Variants in SLBP observed in about 807,000 individuals in gnomAD.
SLBP encodes stem-loop histone mRNA binding protein, also known as histone RNA hairpin-binding protein.
A neutral mutation model predicts 39.2 loss-of-function variants in SLBP; 29 were observed. That is an observed-to-expected ratio of 0.74 (90% CI 0.55 to 1.01). The LOEUF (loss-of-function observed/expected upper bound fraction) is 1.01. SLBP is among the 50% of genes least tolerant of loss of function. SLBP has a pLI of 0.00. For missense variants in SLBP, 390 were observed against 350.2 expected (o/e 1.11, Z -0.91); for synonymous variants, 129 against 118.7 (o/e 1.09, Z -0.57).
Position 1,696,269 on chromosome 4 carries a change from T to A in SLBP, c.562A>T (p.Lys188Ter). The A allele has an allele frequency of 6.2e-7, 1 of 1,605,300 alleles. No homozygotes were observed. Among genetic ancestry groups the A allele is most frequent in the Non-Finnish European group, 8.5e-7 (1 of 1,176,584 alleles). The change falls in exon 6 of 8, where the codon AAA (lysine) becomes TAA (stop). Residue 188 changes from lysine to a stop codon, truncating the protein, a stop_gained. Transcript: ENST00000489418. LOFTEE classifies it high-confidence loss of function. ...YSRRSWDQQIKLWKVALHFWD... is the reference protein window; with the variant it reads ...YSRRSWDQQI ...AAATGCAGAGCCACCTTCCAGAGTT[T>A]GATTTGCTGGTCCCATGAACGTCGA... is the stretch of plus-strand genomic sequence containing the variant.
intron 6 of SLBP, 25 bp from the exon 7 acceptor site, chr4:1,694,865 CG>C (rs752340832): frequency 7.1e-6 from 11 of 1,556,406 alleles, no homozygotes; most frequent in Non-Finnish European, 9.8e-6. Context: ...CCAACATGTG[CG>C]TCAGGCACTA....
chr4:1,711,722 C>T, intron 2 of SLBP, 152 bp downstream of exon 2: 1 of 411,372 alleles, frequency 2.4e-6, no homozygotes, highest in Non-Finnish European at 4.2e-6. Flanking sequence ...GCTGCGGCCG[C>T]CCCAGTCCAC....
At chr4:1,711,840 C>G (rs768105405) in intron 2 of SLBP, 34 bp downstream of exon 2, 29 of 1,187,998 alleles carry the variant, frequency 2.4e-5, no homozygotes, top group Non-Finnish European at 3.1e-5. Flanking sequence ...GTCAAGGGCC[C>G]CACCGCGCCC....
chr4:1,703,449 G>C, intron 3 of SLBP, 147 bp downstream of exon 3: 1 of 620,768 alleles, frequency 1.6e-6, no homozygotes, highest in Admixed American at 2.5e-5. Context: ...CTGAGAATCT[G>C]TATTTCTAAC....
intron 2 of SLBP, among the ~76,000 whole-genome samples, chr4:1,705,899 T>C (rs1716498807): frequency 6.6e-6 from 1 of 152,082 alleles, no homozygotes; most frequent in Non-Finnish European, 1.5e-5. Flanking sequence ...GGCAGGAGGA[T>C]CACTCTAGCC....
chr4:1,700,962 G>A (rs993049612), intron 3 of SLBP, among the ~76,000 whole-genome samples: 3 of 152,092 alleles, frequency 2.0e-5, no homozygotes, highest in Middle Eastern at 6.8e-3. Context: ...CAGTTTGGAC[G>A]CCAGAAGGTA....
In SLBP at chr4:1,705,259, GAGA is replaced by G. The variant is rs200162278; in HGVS notation, c.177-1562_177-1560del. ...ACCCATCCTAATTCCTGTTAAGTGTGAGAAGAATTGTCTTCTGTTCTCTCTCCA... is the reference window on the plus strand; with the variant it reads ...ACCCATCCTAATTCCTGTTAAGTGTGAGAATTGTCTTCTGTTCTCTCTCCA... On this transcript the variant is annotated intron_variant, in intron 2 of 7. Transcript: ENST00000489418. Among the ~76,000 whole-genome samples the G allele has an allele frequency of 7.3e-4, 111 of 152,282 alleles. No individual in the cohort carries two copies. In the East Asian group the frequency reaches 0.02, roughly 28 times the overall value.
chr4:1,710,234 G>A (rs1716689381), intron 2 of SLBP, among the ~76,000 whole-genome samples: 1 of 152,196 alleles, frequency 6.6e-6, no homozygotes, highest in Non-Finnish European at 1.5e-5. Flanking sequence ...CACTGTGCCT[G>A]AAGATGCCTC....
chr4:1,707,867 T>A (rs1242816197), intron 2 of SLBP, among the ~76,000 whole-genome samples: 1 of 151,886 alleles, frequency 6.6e-6, no homozygotes, highest in Non-Finnish European at 1.5e-5. Context: ...GATCACTAAG[T>A]CAGGAGTTCG....
At chr4:1,703,377 C>T (rs947779580) in intron 3 of SLBP, among the ~76,000 whole-genome samples, 1 of 152,028 alleles carries the variant, frequency 6.6e-6, no homozygotes, top group African/African-American at 2.4e-5. Flanking sequence ...AGAGTGGACC[C>T]GCCTGGAGGG....
rs567921107 is a variant in SLBP at position 1,693,550 on chromosome 4, A to G, written c.*47T>C. On this transcript the variant is annotated 3_prime_UTR_variant, in exon 8 of 8. Transcript: ENST00000489418. ...ATGCTTGGTGCCTGGCCAGCCTTCC[A>G]CCTAGTCGGGGAGGAGCTGTTTCTC... 70 of 1,160,258 alleles carry G rather than the reference A, an allele frequency of 6.0e-5. 1 individual carries two copies. In the Middle Eastern group the frequency reaches 8.7e-4, roughly 14 times the overall value. The allele number at this position is 1,160,258 out of a possible 1,614,324, so 71.9% of individuals were successfully genotyped here. A position where few individuals can be genotyped will look rare whatever the true frequency, so the allele number is the denominator to read the frequency against.
chr4:1,711,819 C>T, intron 2 of SLBP, 55 bp downstream of exon 2: 2 of 973,606 alleles, frequency 2.1e-6, no homozygotes, highest in Non-Finnish European at 2.7e-6. Flanking sequence ...GTCCCTGGAG[C>T]CCGCGGCCTC....
intron 2 of SLBP, among the ~76,000 whole-genome samples, chr4:1,710,092 T>C (rs1343613332): frequency 1.3e-5 from 2 of 151,976 alleles, no homozygotes; most frequent in African/African-American, 4.8e-5. Context: ...TTAGTCAGGC[T>C]GGTGTCGAAC....
chr4:1,696,871 T>C (rs1386428664), intron 5 of SLBP, among the ~76,000 whole-genome samples: 1 of 146,178 alleles, frequency 6.8e-6, no homozygotes, highest in Non-Finnish European at 1.5e-5. Flanking sequence ...CACTCCAGCA[T>C]GGGCAACACA....
At chr4:1,696,471 G>A in intron 5 of SLBP, 120 bp from the exon 6 acceptor site, 1 of 836,608 alleles carries the variant, frequency 1.2e-6, no homozygotes, top group East Asian at 3.1e-5. Flanking sequence ...CACCAGGCAT[G>A]GTGGCTCATG....
Position 1,696,350 on chromosome 4 carries a change from G to A in SLBP, c.481C>T (p.His161Tyr). The A allele has an allele frequency of 1.3e-6, 2 of 1,565,792 alleles. No homozygotes were observed. The highest frequency in any genetic ancestry group is 1.7e-6 in the Non-Finnish European group (2 of 1,156,798). Residue 161 changes from histidine to tyrosine, a missense_variant and splice_region_variant, in exon 6 of 8, where the codon CAC becomes TAC. By Grantham distance (83) the His-to-Tyr change is moderately conservative. Coordinates refer to ENST00000489418, the MANE Select transcript of SLBP (RefSeq NM_006527.4). ...YDRYIKEVPR[H>Y]LRQPGIHPKT... Reference sequence around the variant, plus strand: ...GGATGAATGCCAGGTTGTCGAAGGTGTCTACAGGAGAAAGATTATTCTAGC... The same window carrying A: ...GGATGAATGCCAGGTTGTCGAAGGTATCTACAGGAGAAAGATTATTCTAGC...
Position 1,712,226 on chromosome 4 carries a change from TGAG to T in SLBP, c.-41_-39del. 8.1e-7 allele frequency: 1 copy of T among 1,227,012 alleles called. No homozygotes were observed. The highest frequency in any genetic ancestry group is 1.0e-6 in the Non-Finnish European group (1 of 966,946). 76.0% of individuals were successfully genotyped at this position (1,227,012 alleles called of 1,614,324 possible). A position where few individuals can be genotyped will look rare whatever the true frequency, so the allele number is the denominator to read the frequency against. ...CGGGCGCGCAGCGCAGGGCCGAGGCTGAGGCGGCGGCGGCGCGGGCAGAGAGCG... is the reference window on the plus strand; with the variant it reads ...CGGGCGCGCAGCGCAGGGCCGAGGCTGCGGCGGCGGCGCGGGCAGAGAGCG... On this transcript the variant is annotated 5_prime_UTR_variant, in exon 1 of 8. Coordinates refer to ENST00000489418, the MANE Select transcript of SLBP (RefSeq NM_006527.4).
rs1001787498 is a variant in SLBP at position 1,693,507 on chromosome 4, A to G, written c.*90T>C. ...ATGGACTGCTAACAGAGAAACCACCAGGTACAAGTGCACACACATGCTTGG... is the reference window on the plus strand; with the variant it reads ...ATGGACTGCTAACAGAGAAACCACCGGGTACAAGTGCACACACATGCTTGG... On this transcript the variant is annotated 3_prime_UTR_variant, in exon 8 of 8. Coordinates refer to ENST00000489418, the MANE Select transcript of SLBP (RefSeq NM_006527.4). 4.0e-6 allele frequency: 3 copies of G among 756,248 alleles called. No individual in the cohort carries two copies. Among genetic ancestry groups the G allele is most frequent in the African/African-American group, 1.7e-5 (1 of 58,056 alleles). The allele number at this position is 756,248 out of a possible 1,614,324, so 46.8% of individuals were successfully genotyped here.
At chr4:1,709,613 C>T (rs1194662284) in intron 2 of SLBP, among the ~76,000 whole-genome samples, 4 of 141,082 alleles carry the variant, frequency 2.8e-5, no homozygotes, top group Non-Finnish European at 4.6e-5. Context: ...ACATCTACTT[C>T]TTTTTTTTTT....
Sources: allele counts gnomAD v4.1 joint callset (sites outside exome capture counted in the v4.1 genomes callset), GRCh38; gene constraint gnomAD v4.1.1; transcripts MANE v1.5; gene names NCBI Gene and HGNC (gene_info 2026-07-23, HGNC 2026-07-21).